The following SYCP2L variants were observed in gnomAD, a reference collection of about 807,000 sequenced individuals.
The protein encoded by SYCP2L is synaptonemal complex protein 2 like, also known as synaptonemal complex protein 2-like.
In SYCP2L, 98 loss-of-function variants were observed where a neutral mutation model predicts 125.8. That is an observed-to-expected ratio of 0.78 (90% CI 0.66 to 0.92). SYCP2L has a LOEUF of 0.92. Ranked by LOEUF, SYCP2L falls within the 40% of genes least tolerant of loss-of-function variation. SYCP2L has a pLI of 0.00. For synonymous variants in SYCP2L, 317 were observed against 325.4 expected (o/e 0.97, Z 0.28); for missense variants, 842 against 936.4 (o/e 0.90, Z 1.32).
intron 10 of SYCP2L, 133 bp from the exon 11 acceptor site, chr6:10,910,015 C>A: frequency 1.5e-6 from 1 of 648,530 alleles, no homozygotes; most frequent in Non-Finnish European, 2.6e-6. Flanking sequence ...AATAACAAAT[C>A]CTTGTAAAGC....
At position 10,924,659 on chromosome 6, in the gene SYCP2L, T is replaced by A. The variant is rs1780866994; in HGVS notation, c.1218+18T>A. On this transcript the variant is annotated intron_variant, in intron 15 of 29. Transcript: ENST00000283141. ...ACAAACAGGTGGCAGGTTTCATTCTTTTGGATTATTTAAAAATGTTTTAGT... is the reference window on the plus strand; with the variant it reads ...ACAAACAGGTGGCAGGTTTCATTCTATTGGATTATTTAAAAATGTTTTAGT... 1 of 1,515,656 alleles carries A rather than the reference T, an allele frequency of 6.6e-7. No homozygotes were observed. The highest frequency in any genetic ancestry group is 1.4e-5 in the African/African-American group (1 of 69,842). The allele number at this position is 1,515,656 out of a possible 1,614,324, so 93.9% of individuals were successfully genotyped here. A position where few individuals can be genotyped will look rare whatever the true frequency, so the allele number is the denominator to read the frequency against.
intron 21 of SYCP2L, 144 bp from the exon 22 acceptor site, chr6:10,942,315 A>G (rs1201146440): frequency 1.7e-6 from 1 of 593,916 alleles, no homozygotes; most frequent in East Asian, 3.0e-5. Context: ...TCGTGTCCCG[A>G]AAGACACAGT....
At chr6:10,943,782 T>A (rs543904254) in intron 23 of SYCP2L, among the ~76,000 whole-genome samples, 32 of 152,348 alleles carry the variant, frequency 2.1e-4, no homozygotes, top group African/African-American at 7.5e-4. Flanking sequence ...TTTAGTTTTA[T>A]CTGATTCTAA....
chr6:10,951,342 G>C (rs1273798771), intron 23 of SYCP2L, among the ~76,000 whole-genome samples: 1 of 152,064 alleles, frequency 6.6e-6, no homozygotes, highest in African/African-American at 2.4e-5. Context: ...GGGGGTGGTT[G>C]AGCTTGGCAG....
At chr6:10,891,126 G>A (rs984226642) in intron 1 of SYCP2L, among the ~76,000 whole-genome samples, 1 of 152,120 alleles carries the variant, frequency 6.6e-6, no homozygotes, top group Admixed American at 6.5e-5. Context: ...ATGCCTTAAA[G>A]ACACTTTTAT....
At chr6:10,917,254 C>G (rs1780708680) in intron 14 of SYCP2L, among the ~76,000 whole-genome samples, 1 of 152,124 alleles carries the variant, frequency 6.6e-6, no homozygotes, top group African/African-American at 2.4e-5. Context: ...TTGAAGTCCC[C>G]CACGATTATC....
At chr6:10,927,074 C>T (rs1277122296) in intron 16 of SYCP2L, among the ~76,000 whole-genome samples, 166 bp from the exon 17 acceptor site, 1 of 152,158 alleles carries the variant, frequency 6.6e-6, no homozygotes, top group Non-Finnish European at 1.5e-5. Flanking sequence ...AGCCAACATG[C>T]CAGCCTGTAC....
At chr6:10,944,708 T>C (rs1469664605) in intron 23 of SYCP2L, among the ~76,000 whole-genome samples, 2 of 152,000 alleles carry the variant, frequency 1.3e-5, no homozygotes, top group Non-Finnish European at 2.9e-5. Flanking sequence ...AAATATTATT[T>C]TTTATTTTTT....
chr6:10,900,511 C>T (rs1189123977), intron 6 of SYCP2L, among the ~76,000 whole-genome samples: 1 of 152,120 alleles, frequency 6.6e-6, no homozygotes, highest in Non-Finnish European at 1.5e-5. Context: ...TGCCACCACG[C>T]CTGGCTAATT....
chr6:10,918,245 C>G (rs189446506), intron 14 of SYCP2L, among the ~76,000 whole-genome samples: 1 of 151,626 alleles, frequency 6.6e-6, no homozygotes, highest in African/African-American at 2.4e-5. Context: ...TGACAATGTG[C>G]CTCGCCAATG....
rs757228757 is a variant in SYCP2L at position 10,935,050 on chromosome 6, T to C, written c.1684-8T>C. The C allele has an allele frequency of 5.1e-6, 8 of 1,583,654 alleles. No individual in the cohort carries two copies. In the East Asian group the frequency reaches 1.6e-4, roughly 31 times the overall value. On this transcript the variant is annotated splice_region_variant and splice_polypyrimidine_tract_variant and intron_variant, in intron 20 of 29. Transcript: ENST00000283141. The stretch of plus-strand genomic sequence containing the variant: ...ATGTTAACACTTAAAAAAGATACTA[T>C]ATTTTAGGCTAAGCTTCTATCACCA...
At chr6:10,934,945 G>A (rs1342158827) in intron 20 of SYCP2L, 113 bp from the exon 21 acceptor site, 16 of 980,628 alleles carry the variant, frequency 1.6e-5, no homozygotes, top group Non-Finnish European at 2.0e-5. Context: ...TTTTCAAATG[G>A]AGTAAATCTA....
At chr6:10,921,202 G>C (rs1012310173) in intron 14 of SYCP2L, among the ~76,000 whole-genome samples, 2 of 152,130 alleles carry the variant, frequency 1.3e-5, no homozygotes, top group African/African-American at 4.8e-5. Context: ...CCCTGCAAAG[G>C]ACATGATCTC....
intron 14 of SYCP2L, among the ~76,000 whole-genome samples, chr6:10,924,113 C>CAGAG (rs373482523): frequency 1.5e-4 from 23 of 151,806 alleles, no homozygotes; most frequent in African/African-American, 4.6e-4. Flanking sequence ...AGTAGAATTT[C>CAGAG]AGAGAGAGAG....
intron 21 of SYCP2L, among the ~76,000 whole-genome samples, chr6:10,940,141 TCA>T: frequency 6.6e-6 from 1 of 152,160 alleles, no homozygotes; most frequent in Non-Finnish European, 1.5e-5. Context: ...ATGTGATATC[TCA>T]CACCTGTCCA....
intron 14 of SYCP2L, among the ~76,000 whole-genome samples, chr6:10,915,839 T>C (rs1780683907): frequency 6.6e-6 from 1 of 152,222 alleles, no homozygotes; most frequent in Non-Finnish European, 1.5e-5. Flanking sequence ...CTTCATAGAA[T>C]GATTTAGGGA....
intron 29 of SYCP2L, among the ~76,000 whole-genome samples, chr6:10,965,994 T>C (rs1781669548): frequency 6.6e-6 from 1 of 152,164 alleles, no homozygotes; most frequent in Non-Finnish European, 1.5e-5. Flanking sequence ...GCAACTGTTA[T>C]CCCAGCTACT....
chr6:10,940,489 A>G (rs980976256), intron 21 of SYCP2L, among the ~76,000 whole-genome samples: 2 of 152,182 alleles, frequency 1.3e-5, no homozygotes, highest in African/African-American at 4.8e-5. Context: ...ATGGAATACT[A>G]TTCAGCCTCA....
intron 18 of SYCP2L, among the ~76,000 whole-genome samples, 189 bp downstream of exon 18, chr6:10,928,639 T>C (rs1204336126): frequency 6.6e-6 from 1 of 152,218 alleles, no homozygotes; most frequent in East Asian, 1.9e-4. Flanking sequence ...CCCAGGCTCA[T>C]GTGATCCTCC....
Sources: allele counts gnomAD v4.1 joint callset (sites outside exome capture counted in the v4.1 genomes callset), GRCh38; gene constraint gnomAD v4.1.1; transcripts MANE v1.5; gene names NCBI Gene and HGNC (gene_info 2026-07-23, HGNC 2026-07-21).